Variants in SLFN5 observed in about 807,000 individuals in gnomAD.
The protein encoded by SLFN5 is schlafen family member 5.
A neutral mutation model predicts 48.5 loss-of-function variants in SLFN5; 34 were observed. The ratio of observed to expected loss-of-function variants is 0.70; its 90% CI spans 0.53 to 0.93. The LOEUF (loss-of-function observed/expected upper bound fraction) is 0.93. Ranked by LOEUF, SLFN5 falls within the 40% of genes least tolerant of loss-of-function variation. The pLI is 0.00. For missense variants in SLFN5, 1,006 were observed against 1,071.3 expected (o/e 0.94, Z 0.85); for synonymous variants, 387 against 396.2 (o/e 0.98, Z 0.28).
At chr17:35,257,740 T>C (rs1289834584) in intron 1 of SLFN5, among the ~76,000 whole-genome samples, 1 of 152,126 alleles carries the variant, frequency 6.6e-6, no homozygotes, top group Non-Finnish European at 1.5e-5. Flanking sequence ...GGAAACCGTT[T>C]GGATTAGGGG....
At position 35,266,141 on chromosome 17, in the gene SLFN5, GATGTGTGTGTGT is replaced by G. The variant is rs1315309522; in HGVS notation, c.*254_*265del. 10 of 354,030 alleles carry G rather than the reference GATGTGTGTGTGT, an allele frequency of 2.8e-5. No individual in the cohort carries two copies. The highest frequency in any genetic ancestry group is 7.6e-5 in the African/African-American group (3 of 39,304). The allele number at this position is 354,030 out of a possible 1,614,324, so 21.9% of individuals were successfully genotyped here. On this transcript the variant is annotated 3_prime_UTR_variant, in exon 5 of 5. Transcript: ENST00000299977. ...TAATTAGAGGACCGTGAGACTCAGA[GATGTGTGTGTGT>G]GTGTGTGTGTGTGTGTGTGTGTGTG...
chr17:35,257,712 AT>A (rs142456157), intron 1 of SLFN5, among the ~76,000 whole-genome samples: 2 of 151,106 alleles, frequency 1.3e-5, no homozygotes, highest in African/African-American at 2.4e-5. Context: ...TATATATATG[AT>A]TTTTTTTTGA....
Position 35,265,385 on chromosome 17 carries a change from G to C in SLFN5, c.2173G>C (p.Val725Leu). ...TCCAATAGCTAATTACCTACAACAA[G>C]TAATGCAGGAAGCCCGACAAAATCC... ...AGPIANYLQQ[V>L]MQEARQNPPP... Residue 725 changes from valine to leucine, a missense_variant, in exon 5 of 5, where the codon GTA (valine) becomes CTA (leucine). Transcript: ENST00000299977. The C allele has an allele frequency of 1.2e-6, 2 of 1,614,176 alleles. No homozygotes were observed. Among genetic ancestry groups the C allele is most frequent in the South Asian group, 2.2e-5 (2 of 91,086 alleles).
chr17:35,258,405 C>G (rs1291264637), intron 1 of SLFN5, among the ~76,000 whole-genome samples: 1 of 152,146 alleles, frequency 6.6e-6, no homozygotes, highest in Non-Finnish European at 1.5e-5. Flanking sequence ...GAGACTTATT[C>G]ACTACCATGA....
At chr17:35,246,796 A>G (rs566414093) in intron 1 of SLFN5, among the ~76,000 whole-genome samples, 116 of 152,002 alleles carry the variant, frequency 7.6e-4, no homozygotes, top group African/African-American at 2.7e-3. Flanking sequence ...TGGAGGTTCC[A>G]GTGACCGAAA....
At position 35,271,211 on chromosome 17, in the gene SLFN5, T is replaced by C. The variant is rs1306852662; in HGVS notation, c.*5323T>C. The C allele has an allele frequency of 6.6e-6, 1 of 152,196 alleles. No homozygotes were observed. Among genetic ancestry groups the C allele is most frequent in the African/African-American group, 2.4e-5 (1 of 41,454 alleles). The allele number at this position is 152,196 out of a possible 1,614,324, so 9.4% of individuals were successfully genotyped here. A position where few individuals can be genotyped will look rare whatever the true frequency, so the allele number is the denominator to read the frequency against. ...AATGTACTTATAGTATTCATCTTCA[T>C]ACAGGGATGGACTATAAGTGATTTT... On this transcript the variant is annotated 3_prime_UTR_variant, in exon 5 of 5. Coordinates refer to ENST00000299977, the MANE Select transcript of SLFN5 (RefSeq NM_144975.4).
At position 35,261,102 on chromosome 17, in the gene SLFN5, T is replaced by C. The variant is rs748652633; in HGVS notation, c.1138+6T>C. ...GCAGAAACGCTACTTTCCAGGTAAT[T>C]GGCCATCTCTGGTTGCTTTGGAATA... On this transcript the variant is annotated splice_donor_region_variant and intron_variant, in intron 3 of 4. Transcript: ENST00000299977. 4 of 1,612,550 alleles carry C rather than the reference T, an allele frequency of 2.5e-6. No homozygotes were observed. The highest frequency in any genetic ancestry group is 3.4e-6 in the Non-Finnish European group (4 of 1,178,930).
chr17:35,258,568 CA>C lies in SLFN5; in HGVS notation c.-40-82del, dbSNP rs1904409965. On this transcript the variant is annotated intron_variant, in intron 1 of 4. Transcript: ENST00000299977. Reference sequence around the variant, plus strand: ...CAGGAATAAATGAAGGGACCAACCTCAGTAGGATGGCCTTAATCTGTTGGTT... The same window carrying C: ...CAGGAATAAATGAAGGGACCAACCTCGTAGGATGGCCTTAATCTGTTGGTT... The C allele has an allele frequency of 6.7e-6, 8 of 1,185,882 alleles. No homozygotes were observed. The South Asian group carries it at 8.0e-5, about 12-fold the overall frequency. 73.5% of individuals were successfully genotyped at this position (1,185,882 alleles called of 1,614,324 possible).
At chr17:35,247,617 G>A (rs2092433740) in intron 1 of SLFN5, among the ~76,000 whole-genome samples, 2 of 152,158 alleles carry the variant, frequency 1.3e-5, no homozygotes, top group South Asian at 2.1e-4. Flanking sequence ...TGATACCCGG[G>A]TTTTGTTATT....
At position 35,265,588 on chromosome 17, in the gene SLFN5, G is replaced by A. The variant is rs1344510529; in HGVS notation, c.2376G>A (p.Val792=). Reference sequence around the variant, plus strand: ...GTTATTCTCCGAAGGATATTGCTGTGCTTTTCACCAAAGCAAGTGAAGTGG... The same window carrying A: ...GTTATTCTCCGAAGGATATTGCTGTACTTTTCACCAAAGCAAGTGAAGTGG... ...RNGYSPKDIA[V]LFTKASEVEK... The change falls in exon 5 of 5, where the codon GTG becomes GTA. Residue 792 remains valine (V), a synonymous_variant. Coordinates refer to ENST00000299977, the MANE Select transcript of SLFN5 (RefSeq NM_144975.4). The A allele has an allele frequency of 1.2e-6, 2 of 1,614,066 alleles. No individual in the cohort carries two copies. Among genetic ancestry groups the A allele is most frequent in the African/African-American group, 2.7e-5 (2 of 74,924 alleles).
Position 35,243,136 on chromosome 17 carries a change from C to G in SLFN5, c.-48C>G, listed in dbSNP as rs539014935. 5 of 152,518 alleles carry G rather than the reference C, an allele frequency of 3.3e-5. No homozygotes were observed. The highest frequency in any genetic ancestry group is 1.2e-4 in the African/African-American group (5 of 41,584). The allele number at this position is 152,518 out of a possible 1,614,324, so 9.4% of individuals were successfully genotyped here. On this transcript the variant is annotated 5_prime_UTR_variant, in exon 1 of 5. Coordinates refer to ENST00000299977, the MANE Select transcript of SLFN5 (RefSeq NM_144975.4). ...GAGGGAGACGCGCTGCCGAGGAGAA[C>G]CCAGCGGGTAATGAATCCCCCGCGC...
rs1391638663 is a variant in SLFN5, at chr17:35,266,878, A to T, written c.*990A>T. 1.3e-5 allele frequency: 2 copies of T among 152,224 alleles called. No individual in the cohort carries two copies. Among genetic ancestry groups the T allele is most frequent in the Non-Finnish European group, 2.9e-5 (2 of 68,040 alleles). 9.4% of individuals were successfully genotyped at this position (152,224 alleles called of 1,614,324 possible). A position where few individuals can be genotyped will look rare whatever the true frequency, so the allele number is the denominator to read the frequency against. On this transcript the variant is annotated 3_prime_UTR_variant, in exon 5 of 5. Coordinates refer to ENST00000299977, the MANE Select transcript of SLFN5 (RefSeq NM_144975.4). Reference sequence around the variant, plus strand: ...TTTCTCATTTCCTGTGGGTCTCTAGAAACTCTCTCAATATTTAAAGCCAAA... The same window carrying T: ...TTTCTCATTTCCTGTGGGTCTCTAGTAACTCTCTCAATATTTAAAGCCAAA...
At position 35,249,839 on chromosome 17, in the gene SLFN5, C is replaced by G. The variant is rs117877277; in HGVS notation, c.-41+6696C>G. ...TTTGATGCATACTCCAAATAAATAT[C>G]TTGACACCAAACCTGACAGTGTAAG... On this transcript the variant is annotated intron_variant, in intron 1 of 4. Transcript: ENST00000299977. Among the ~76,000 whole-genome samples, 161 of 152,308 alleles carry G rather than the reference C, an allele frequency of 1.1e-3. No homozygotes were observed. The East Asian group carries it at 0.022, about 21-fold the overall frequency.
At chr17:35,252,719 T>C (rs1156767832) in intron 1 of SLFN5, among the ~76,000 whole-genome samples, 1 of 152,172 alleles carries the variant, frequency 6.6e-6, no homozygotes, top group Non-Finnish European at 1.5e-5. Flanking sequence ...TTCAAAAATG[T>C]TTTAGTTGTT....
intron 1 of SLFN5, among the ~76,000 whole-genome samples, chr17:35,256,968 C>T (rs758150765): frequency 1.2e-4 from 19 of 152,224 alleles, no homozygotes; most frequent in South Asian, 8.3e-4. Flanking sequence ...ATTAGATTCT[C>T]ATAGGAACAT....
chr17:35,247,614 C>T (rs767203116), intron 1 of SLFN5, among the ~76,000 whole-genome samples: 7 of 152,174 alleles, frequency 4.6e-5, no homozygotes, highest in Non-Finnish European at 7.4e-5. Context: ...ATTTGATACC[C>T]GGGTTTTGTT....
chr17:35,263,977 A>T (rs1260313849), intron 3 of SLFN5, among the ~76,000 whole-genome samples: 1 of 152,074 alleles, frequency 6.6e-6, no homozygotes, highest in Non-Finnish European at 1.5e-5. Context: ...TGTATTGACC[A>T]CTTTTTACCA....
At position 35,273,326 on chromosome 17, in the gene SLFN5, C is replaced by T. The variant is rs1904880729; in HGVS notation, c.*7438C>T. 6.6e-6 allele frequency: 1 copy of T among 152,010 alleles called. No individual in the cohort carries two copies. The highest frequency in any genetic ancestry group is 6.5e-5 in the Admixed American group (1 of 15,278). 9.4% of individuals were successfully genotyped at this position (152,010 alleles called of 1,614,324 possible). A position where few individuals can be genotyped will look rare whatever the true frequency, so the allele number is the denominator to read the frequency against. ...GACTCCAGGGAAGAACAGATGGGTG[C>T]CAGAGTGAAAAAAAGATAGCTTTTG... On this transcript the variant is annotated 3_prime_UTR_variant, in exon 5 of 5. Transcript: ENST00000299977.
Position 35,258,755 on chromosome 17 carries a change from C to A in SLFN5, c.65C>A (p.Thr22Asn). ...PECVVDAGKV[T>N]LGTQQRQEMD... ...TGTGTTGTAGATGCAGGAAAAGTCACCCTTGGGACTCAGCAGAGGCAGGAG... is the reference window on the plus strand; with the variant it reads ...TGTGTTGTAGATGCAGGAAAAGTCAACCTTGGGACTCAGCAGAGGCAGGAG... The change falls in exon 2 of 5, where the codon ACC becomes AAC. Residue 22 changes from threonine to asparagine, a missense_variant. By Grantham distance (65) the Thr-to-Asn change is moderately conservative. Coordinates refer to ENST00000299977, the MANE Select transcript of SLFN5 (RefSeq NM_144975.4). The A allele has an allele frequency of 6.2e-7, 1 of 1,614,104 alleles. No homozygotes were observed. The highest frequency in any genetic ancestry group is 8.5e-7 in the Non-Finnish European group (1 of 1,180,024).
Sources: allele counts gnomAD v4.1 joint callset (sites outside exome capture counted in the v4.1 genomes callset), GRCh38; gene constraint gnomAD v4.1.1; transcripts MANE v1.5; gene names NCBI Gene and HGNC (gene_info 2026-07-23, HGNC 2026-07-21).